The following GABRG3 variants were observed in gnomAD, a reference collection of about 807,000 sequenced individuals.
GABRG3 encodes the protein gamma-aminobutyric acid receptor subunit gamma-3.
Under a neutral mutation model 48.8 loss-of-function variants are expected in GABRG3, and 25 were observed. That is an observed-to-expected ratio of 0.51 (90% confidence interval 0.37 to 0.72). The LOEUF is 0.72. Among genes scored for constraint, GABRG3 ranks in the 30% least tolerant of loss-of-function variants. The pLI is 0.00. For synonymous variants in GABRG3, 227 were observed against 217.6 expected, an observed-to-expected ratio of 1.04 and a Z score of -0.38; for missense variants, 394 against 577.9, an observed-to-expected ratio of 0.68 and a Z score of 3.26.
chr15:26,981,596 G>A (rs915843388), intron 2 of GABRG3, among the ~76,000 whole-genome samples: 2 of 152,208 alleles, frequency 1.3e-5, no homozygotes, highest in Non-Finnish European at 2.9e-5. Flanking sequence ...AGATTAAAAA[G>A]TAGATTCTGA....
intron 5 of GABRG3, among the ~76,000 whole-genome samples, chr15:27,430,709 G>T (rs1305785338): frequency 6.6e-6 from 1 of 152,126 alleles, no homozygotes; most frequent in Non-Finnish European, 1.5e-5. Context: ...AATTGACTAG[G>T]CTGGGCACGG....
intron 5 of GABRG3, among the ~76,000 whole-genome samples, chr15:27,386,900 A>T (rs1339417803): frequency 6.6e-6 from 1 of 152,348 alleles, no homozygotes; most frequent in Admixed American, 6.5e-5. Context: ...GAAAAATGGA[A>T]TCACACAGGA....
At chr15:27,137,373 C>G (rs916089700) in intron 3 of GABRG3, among the ~76,000 whole-genome samples, 4 of 152,126 alleles carry the variant, frequency 2.6e-5, no homozygotes, top group Non-Finnish European at 5.9e-5. Flanking sequence ...GAGCCTTTCT[C>G]TATAAGAACA....
chr15:27,137,488 C>A (rs1168373716), intron 3 of GABRG3, among the ~76,000 whole-genome samples: 1 of 152,108 alleles, frequency 6.6e-6, no homozygotes. Context: ...TGAAAATACA[C>A]CTGTGAAAAA....
At chr15:27,471,333 G>A (rs556454931) in intron 5 of GABRG3, among the ~76,000 whole-genome samples, 31 of 152,296 alleles carry the variant, frequency 2.0e-4, no homozygotes, top group African/African-American at 7.0e-4. Flanking sequence ...CCAATCTTAG[G>A]TTCCACTATA....
At position 27,255,549 on chromosome 15, in the gene GABRG3, C is replaced by T. The variant is rs146229683; in HGVS notation, c.271-71260C>T. On this transcript the variant is annotated intron_variant, in intron 3 of 9. Transcript: ENST00000615808. ...TTCTGTTTCAGACCATTCCTTTTAC[C>T]GATATCTTTTCAAATGGCAGCTTGT... 2.1e-3 allele frequency among the ~76,000 whole-genome samples: 317 copies of T among 152,276 alleles called. 2 individuals carry two copies. The highest frequency in any genetic ancestry group is 0.018 in the South Asian group (85 of 4,824).
At chr15:27,479,202 G>C (rs1890036007) in intron 5 of GABRG3, among the ~76,000 whole-genome samples, 1 of 152,146 alleles carries the variant, frequency 6.6e-6, no homozygotes, top group South Asian at 2.1e-4. Context: ...AAATAAAGGT[G>C]ATTTAAAAAC....
intron 5 of GABRG3, among the ~76,000 whole-genome samples, chr15:27,384,096 T>TA (rs1895854987): frequency 6.6e-6 from 1 of 152,244 alleles, no homozygotes; most frequent in Non-Finnish European, 1.5e-5. Flanking sequence ...GGGAAGTGTT[T>TA]AATTTTACTC....
chr15:27,292,292 T>C (rs1290304830), intron 3 of GABRG3, among the ~76,000 whole-genome samples: 2 of 134,068 alleles, frequency 1.5e-5, no homozygotes, highest in East Asian at 4.2e-4. Context: ...GGTGGGGGGC[T>C]AGGGGAGGGA....
chr15:27,424,596 C>G (rs1888233994), intron 5 of GABRG3, among the ~76,000 whole-genome samples: 1 of 150,918 alleles, frequency 6.6e-6, no homozygotes, highest in Admixed American at 6.6e-5. Flanking sequence ...TCTTGTCACC[C>G]AGGCTGGAGT....
chr15:27,102,525 A>G (rs1202232944), intron 3 of GABRG3, among the ~76,000 whole-genome samples: 2 of 152,282 alleles, frequency 1.3e-5, no homozygotes, highest in East Asian at 3.9e-4. Context: ...CTTTTGGCTC[A>G]CTGGGTGAGA....
At position 27,007,086 on chromosome 15, in the gene GABRG3, T is replaced by G. The variant is rs549852231; in HGVS notation, c.203-19668T>G. ...CATACATGTGCATGTGTCTTTTTTT[T>G]TTTTGTTTTTTGAGACAGGGTCTTG... is the stretch of plus-strand genomic sequence containing the variant. On this transcript the variant is annotated intron_variant, in intron 2 of 9. Coordinates refer to ENST00000615808, the MANE Select transcript of GABRG3 (RefSeq NM_033223.5). 4.7e-3 allele frequency among the ~76,000 whole-genome samples: 708 copies of G among 152,074 alleles called. 5 individuals are homozygous for G. Among genetic ancestry groups the G allele is most frequent in the Non-Finnish European group, 7.5e-3 (507 of 68,000 alleles).
intron 6 of GABRG3, among the ~76,000 whole-genome samples, chr15:27,492,930 G>A (rs1294605627): frequency 5.8e-5 from 6 of 103,436 alleles, no homozygotes; most frequent in Non-Finnish European, 9.8e-5. Flanking sequence ...TATAATGTTA[G>A]GTAAAAATAG....
chr15:26,977,008 A>G lies in GABRG3; in HGVS notation c.60A>G (p.Arg20=). The change falls in exon 2 of 10, where the codon AGA becomes AGG. Residue 20 remains arginine, a synonymous_variant. Coordinates refer to ENST00000615808, the MANE Select transcript of GABRG3 (RefSeq NM_033223.5). ...TTTTGTGCTGTAACTCCAGGTCCAG[A>G]AAGGTGGAAGAGGATGAATATGAAG... ...CLFSGLHARS[R]KVEEDEYEDS... is the part of the protein sequence containing the mutation. The G allele has an allele frequency of 6.2e-7, 1 of 1,613,920 alleles. No homozygotes were observed.
intron 2 of GABRG3, among the ~76,000 whole-genome samples, chr15:27,006,775 C>T (rs887478195): frequency 6.6e-6 from 1 of 151,954 alleles, no homozygotes; most frequent in African/African-American, 2.4e-5. Flanking sequence ...TCTGTTCCTG[C>T]ATTAGTTCAC....
rs1384536012 is a variant in GABRG3 at position 27,463,332 on chromosome 15, A to G, written c.575-17318A>G. On this transcript the variant is annotated intron_variant, in intron 5 of 9. Transcript: ENST00000615808. Reference sequence around the variant, plus strand: ...AAGATAGGCATATATTCTTGACAGGAAAGATTTGATATTGCAAAGATATCT... The same window carrying G: ...AAGATAGGCATATATTCTTGACAGGGAAGATTTGATATTGCAAAGATATCT... 4.6e-5 allele frequency among the ~76,000 whole-genome samples: 7 copies of G among 152,246 alleles called. No homozygotes were observed. The South Asian group carries it at 1.4e-3, about 31-fold the overall frequency.
chr15:27,252,031 A>G (rs1243226753), intron 3 of GABRG3, among the ~76,000 whole-genome samples: 1 of 152,224 alleles, frequency 6.6e-6, no homozygotes, highest in African/African-American at 2.4e-5. Flanking sequence ...GCCCGCTGGA[A>G]AAAGATGGCC....
chr15:27,412,131 TTAAAC>T (rs1359596585), intron 5 of GABRG3, among the ~76,000 whole-genome samples: 1 of 152,132 alleles, frequency 6.6e-6, no homozygotes, highest in African/African-American at 2.4e-5. Context: ...AGTTTCCTAA[TTAAAC>T]TTTGTATTTT....
At chr15:27,314,757 C>T (rs1893153962) in intron 3 of GABRG3, among the ~76,000 whole-genome samples, 1 of 152,194 alleles carries the variant, frequency 6.6e-6, no homozygotes. Context: ...TATGTGACAA[C>T]ACAGTGAACC....
Sources: allele counts gnomAD v4.1 joint callset (sites outside exome capture counted in the v4.1 genomes callset), GRCh38; gene constraint gnomAD v4.1.1; transcripts MANE v1.5; gene names NCBI Gene and HGNC (gene_info 2026-07-23, HGNC 2026-07-21).